SAMSN1: variants seen among roughly 807,000 people sequenced by gnomAD.
SAMSN1 encodes SAM domain-containing protein SAMSN-1.
In SAMSN1, 31 loss-of-function variants were observed where a neutral mutation model predicts 42.0. That is an observed-to-expected ratio of 0.74 (90% CI 0.55 to 1.00). SAMSN1 has a LOEUF of 1.00. SAMSN1 is among the 50% of genes least tolerant of loss of function. SAMSN1 has a pLI of 0.00. For synonymous variants in SAMSN1, 178 were observed against 151.9 expected, an observed-to-expected ratio of 1.17 and a Z score of -1.26; for missense variants, 464 against 439.4, an observed-to-expected ratio of 1.06 and a Z score of -0.50.
intron 5 of SAMSN1, among the ~76,000 whole-genome samples, chr21:14,602,375 A>G (rs113024859): frequency 1.3e-5 from 2 of 152,232 alleles, no homozygotes; most frequent in African/African-American, 4.8e-5. Flanking sequence ...TTTCTTGGTA[A>G]TAATAGGATT....
chr21:14,639,511 T>A (rs892215426), intron 2 of SAMSN1, among the ~76,000 whole-genome samples: 1 of 152,232 alleles, frequency 6.6e-6, no homozygotes, highest in African/African-American at 2.4e-5. Context: ...AGAGCTTTCA[T>A]GATCTATTAA....
intron 4 of SAMSN1, chr21:14,609,582 G>A: frequency 2.8e-6 from 2 of 717,784 alleles, no homozygotes; most frequent in Non-Finnish European, 5.2e-6. Context: ...AAGTGAAGCA[G>A]ATAATTGGTT....
At chr21:14,520,039 T>C (rs923025070) in intron 2 of SAMSN1, among the ~76,000 whole-genome samples, 1 of 152,238 alleles carries the variant, frequency 6.6e-6, no homozygotes, top group East Asian at 1.9e-4. Context: ...AAAATAGATA[T>C]ACTAATAGTT....
At chr21:14,553,046 T>TA (rs879826697) in intron 2 of SAMSN1, among the ~76,000 whole-genome samples, 22 of 150,080 alleles carry the variant, frequency 1.5e-4, no homozygotes, top group East Asian at 7.8e-4. Flanking sequence ...TTCCAATATT[T>TA]AAAAAAAAAA....
At chr21:14,562,251 A>G (rs1040040617) in intron 2 of SAMSN1, among the ~76,000 whole-genome samples, 2 of 152,192 alleles carry the variant, frequency 1.3e-5, no homozygotes, top group Non-Finnish European at 2.9e-5. Context: ...GGAAATAGAG[A>G]GATATACCTT....
rs888014126 is a variant in SAMSN1, at chr21:14,582,083, G to A, written c.261+53C>T. The A allele has an allele frequency of 1.0e-5, 15 of 1,429,378 alleles. No individual in the cohort carries two copies. The African/African-American group carries it at 1.4e-4, about 14-fold the overall frequency. 88.5% of individuals were successfully genotyped at this position (1,429,378 alleles called of 1,614,324 possible). On this transcript the variant is annotated intron_variant, in intron 2 of 8. Transcript: ENST00000285670. The stretch of plus-strand genomic sequence containing the variant: ...CACTTTTGCTATCTGTTTCTTTCCC[G>A]ACAGTACAAAACCCCAGATAAGATG...
At chr21:14,614,647 A>G (rs1982789597) in intron 3 of SAMSN1, among the ~76,000 whole-genome samples, 1 of 152,208 alleles carries the variant, frequency 6.6e-6, no homozygotes, top group Non-Finnish European at 1.5e-5. Flanking sequence ...AAACATGCAT[A>G]TATAAGGTTT....
chr21:14,579,641 C>CTTTTTTT (rs1247868810), intron 2 of SAMSN1, among the ~76,000 whole-genome samples: 4 of 89,144 alleles, frequency 4.5e-5, no homozygotes, highest in African/African-American at 1.4e-4. Context: ...AAAATGCTCA[C>CTTTTTTT]TTTTTTTTTT....
At chr21:14,542,803 G>T (rs1209693600) in intron 1 of SAMSN1, among the ~76,000 whole-genome samples, 2 of 152,036 alleles carry the variant, frequency 1.3e-5, no homozygotes, top group African/African-American at 2.4e-5. Flanking sequence ...AATTAGCTGG[G>T]CTGGTGGCAT....
At chr21:14,522,545 C>T (rs1049143380) in intron 1 of SAMSN1, among the ~76,000 whole-genome samples, 2 of 152,138 alleles carry the variant, frequency 1.3e-5, no homozygotes. Flanking sequence ...CCTTAATGCT[C>T]TCAATGGGAT....
chr21:14,510,440 T>C lies in SAMSN1; in HGVS notation c.431A>G (p.Asp144Gly), dbSNP rs781131622. 1 of 1,614,182 alleles carries C rather than the reference T, an allele frequency of 6.2e-7. No homozygotes were observed. The highest frequency in any genetic ancestry group is 8.5e-7 in the Non-Finnish European group (1 of 1,180,012). Reference sequence around the variant, plus strand: ...AAAGCTGTCCCGGTTACTTGTACCATCTGAACAGCTTGTTATGCCACCTGA... The same window carrying C: ...AAAGCTGTCCCGGTTACTTGTACCACCTGAACAGCTTGTTATGCCACCTGA... ...SSSSGITSCS[D>G]GTSNRDSFRL... The change falls in exon 5 of 8, where the codon GAT becomes GGT. Residue 144 changes from aspartate (D) to glycine (G), a missense_variant. By Grantham distance (94) the Asp-to-Gly change is moderately conservative. Transcript: ENST00000400566.
intron 6 of SAMSN1, among the ~76,000 whole-genome samples, chr21:14,595,306 G>C (rs1432224577): frequency 6.6e-6 from 1 of 152,146 alleles, no homozygotes; most frequent in Non-Finnish European, 1.5e-5. Context: ...AATGGAATTA[G>C]AGCCCTTATA....
chr21:14,554,372 G>A (rs1438805785), intron 2 of SAMSN1, among the ~76,000 whole-genome samples: 1 of 152,070 alleles, frequency 6.6e-6, no homozygotes, highest in East Asian at 1.9e-4. Flanking sequence ...CTATTATGGT[G>A]TTGTTGGAAA....
At chr21:14,492,961 G>A (rs1986756642) in intron 7 of SAMSN1, among the ~76,000 whole-genome samples, 1 of 152,192 alleles carries the variant, frequency 6.6e-6, no homozygotes, top group South Asian at 2.1e-4. Context: ...GGAAACTCCA[G>A]GTACACATGT....
intron 2 of SAMSN1, among the ~76,000 whole-genome samples, chr21:14,559,717 A>G (rs1197647357): frequency 2.6e-5 from 4 of 151,154 alleles, no homozygotes; most frequent in Non-Finnish European, 5.9e-5. Context: ...TGTTGCCCAG[A>G]CTGGTCTTGA....
intron 2 of SAMSN1, among the ~76,000 whole-genome samples, chr21:14,628,891 G>C (rs536724381): frequency 3.6e-4 from 55 of 152,218 alleles, no homozygotes; most frequent in Non-Finnish European, 6.2e-4. Context: ...AATCTGTAGG[G>C]TTGATACTAT....
In SAMSN1 at chr21:14,521,185, T is replaced by A. The variant is rs779871921; in HGVS notation, c.94A>T (p.Asn32Tyr). 49 of 1,611,566 alleles carry A rather than the reference T, an allele frequency of 3.0e-5. No homozygotes were observed. In the East Asian group the frequency reaches 1.1e-3, roughly 36 times the overall value. ...SSFGNFDRFR[N>Y]NSLSKPDDST... ...TCATCTGGTTTTGATAAAGAATTAT[T>A]CCGAAAACGATCGAAATTCCCAAAA... Residue 32 changes from asparagine to tyrosine, a missense_variant, in exon 2 of 8, where the codon AAT becomes TAT. Physicochemically the swap from Asn to Tyr is moderately radical, Grantham distance 143. Transcript: ENST00000400566.
At chr21:14,593,766 A>T (rs1206050811) in intron 7 of SAMSN1, 1 of 306,248 alleles carries the variant, frequency 3.3e-6, no homozygotes, top group East Asian at 5.2e-5. Context: ...AAATTGCTAA[A>T]TTTTAGGGAA....
chr21:14,599,228 C>T (rs1982361314), intron 6 of SAMSN1, among the ~76,000 whole-genome samples: 1 of 152,134 alleles, frequency 6.6e-6, no homozygotes, highest in Non-Finnish European at 1.5e-5. Context: ...ATAATTCCCA[C>T]GTGTCAAGGG....
Sources: gnomAD v4.1 joint callset for allele counts (sites outside exome capture counted in the v4.1 genomes callset) on GRCh38, gnomAD v4.1.1 for gene constraint, MANE v1.5 for transcripts, NCBI Gene and HGNC (gene_info 2026-07-23, HGNC 2026-07-21) for gene names.